XPC: variants seen among roughly 807,000 people sequenced by gnomAD.
XPC encodes DNA repair protein complementing XP-C cells.
Under a neutral mutation model 95.8 loss-of-function variants are expected in XPC, and 76 were observed. The observed-to-expected ratio is 0.79, with a 90% CI of 0.66 to 0.96. The LOEUF (loss-of-function observed/expected upper bound fraction) is 0.96, where lower values mean the gene tolerates loss of function less well. XPC is among the 40% of genes least tolerant of loss of function. XPC has a pLI of 0.00. For missense variants in XPC, 1,146 were observed against 1,179.8 expected, an observed-to-expected ratio of 0.97 and a Z score of 0.42; for synonymous variants, 442 against 442.1, an observed-to-expected ratio of 1.00 and a Z score of 0.00.
At chr3:14,173,787 T>C (rs1182269275) in intron 1 of XPC, among the ~76,000 whole-genome samples, 1 of 152,196 alleles carries the variant, frequency 6.6e-6, no homozygotes, top group African/African-American at 2.4e-5. Context: ...ACAAATAATA[T>C]GGCAGGGAAG....
At chr3:14,167,135 G>A in intron 5 of XPC, 34 bp downstream of exon 5, 1 of 1,534,120 alleles carries the variant, frequency 6.5e-7, no homozygotes, top group Non-Finnish European at 8.8e-7. Context: ...GCACCGACAA[G>A]GAAAAGTCCT....
At chr3:14,155,047 C>T (rs543683286) in intron 10 of XPC, among the ~76,000 whole-genome samples, 2 of 152,148 alleles carry the variant, frequency 1.3e-5, no homozygotes, top group African/African-American at 2.4e-5. Context: ...GCAGCCCAGG[C>T]CCCCTGCTGC....
At position 14,158,523 on chromosome 3, in the gene XPC, C is replaced by T. The variant is rs1480913592; in HGVS notation, c.1360G>A (p.Asp454Asn). ...GGTTCGGAATCCTCATCAGAGGGAT[C>T]AGAGGCTTCTCCACTGGAGAGCTCA... ...DFELSSGEASDPSDEDSEPGP... is the reference protein window; with the variant it reads ...DFELSSGEASNPSDEDSEPGP... Residue 454 changes from aspartate (D) to asparagine (N), a missense_variant, in exon 9 of 16, where the codon GAT (aspartate) becomes AAT (asparagine). Asp to Asn is a conservative substitution (Grantham distance 23). Coordinates refer to ENST00000285021, the MANE Select transcript of XPC (RefSeq NM_004628.5). This position sits in a 1 kb window ranked among gnomAD's most constrained non-coding sequence, Gnocchi z 5.2. The T allele has an allele frequency of 6.2e-7, 1 of 1,612,952 alleles. No individual in the cohort carries two copies. Among genetic ancestry groups the T allele is most frequent in the East Asian group, 2.2e-5 (1 of 44,830 alleles).
At chr3:14,174,374 C>T (rs544048595) in intron 1 of XPC, among the ~76,000 whole-genome samples, 1 of 150,426 alleles carries the variant, frequency 6.6e-6, no homozygotes, top group Non-Finnish European at 1.5e-5. Context: ...CTGGATCTTA[C>T]AATGGTAGTT....
Position 14,163,540 on chromosome 3 carries a change from A to G in XPC, c.900+1273T>C, listed in dbSNP as rs1032456680. ...TAATTTCTTTTATACTAAATATCCT[A>G]AATAGGTAAATCCACAGAGACACAA... On this transcript the variant is annotated intron_variant, in intron 7 of 15. Coordinates refer to ENST00000285021, the MANE Select transcript of XPC (RefSeq NM_004628.5). 3.6e-4 allele frequency among the ~76,000 whole-genome samples: 55 copies of G among 152,214 alleles called. 1 individual carries two copies. Among genetic ancestry groups the G allele is most frequent in the Non-Finnish European group, 7.1e-4 (48 of 68,036 alleles).
In XPC at chr3:14,156,335, C is replaced by T; in HGVS notation, c.2033G>A (p.Arg678Lys). The T allele has an allele frequency of 6.2e-7, 1 of 1,612,644 alleles. No homozygotes were observed. Among genetic ancestry groups the T allele is most frequent in the Non-Finnish European group, 8.5e-7 (1 of 1,179,190 alleles). Residue 678 changes from arginine to lysine, a missense_variant and splice_region_variant, in exon 10 of 16, where the codon AGG becomes AAG. Transcript: ENST00000285021. Reference sequence around the variant, plus strand: ...AGGCCAACCAGGCTGCCTCACGCACCTGGAGTAGACCGCTTCTCCACGACA... The same window carrying T: ...AGGCCAACCAGGCTGCCTCACGCACTTGGAGTAGACCGCTTCTCCACGACA... ...GYCRGEAVYS[R>K]DCVHTLHSRD...
chr3:14,159,581 A>T (rs1696082739), intron 8 of XPC, 160 bp downstream of exon 8: 1 of 733,672 alleles, frequency 1.4e-6, no homozygotes, highest in Non-Finnish European at 2.3e-6. Context: ...ATACCCACTC[A>T]CATGCCCAAG....
At chr3:14,164,024 A>T (rs1696269808) in intron 7 of XPC, among the ~76,000 whole-genome samples, 1 of 152,236 alleles carries the variant, frequency 6.6e-6, no homozygotes, top group South Asian at 2.1e-4. Flanking sequence ...ACTCCAGCCT[A>T]GGCGGCAGAG....
chr3:14,157,257 G>T (rs547510609), intron 9 of XPC, among the ~76,000 whole-genome samples: 1 of 151,976 alleles, frequency 6.6e-6, no homozygotes, highest in Non-Finnish European at 1.5e-5. Context: ...TGCACCCCTG[G>T]AGCAAACACT....
intron 7 of XPC, among the ~76,000 whole-genome samples, chr3:14,163,786 G>A (rs1392967410): frequency 1.3e-5 from 2 of 152,136 alleles, no homozygotes; most frequent in Non-Finnish European, 2.9e-5. Context: ...AAATACATAC[G>A]TACACACATA....
At chr3:14,154,190 AAAATGTAAAATGGGTGCAGCTGCGGTGG>A (rs1695809583) in intron 10 of XPC, among the ~76,000 whole-genome samples, 1 of 152,194 alleles carries the variant, frequency 6.6e-6, no homozygotes, top group South Asian at 2.1e-4. Flanking sequence ...ACTGTCGGTG[AAAATGTAAAATGGGTGCAGCTGCGGTGG>A]AAATGGTAAG....
At chr3:14,146,280 G>A in intron 15 of XPC, 121 bp from the exon 16 acceptor site, 2 of 924,470 alleles carry the variant, frequency 2.2e-6, no homozygotes, top group Admixed American at 2.1e-5. Context: ...GGGAGGACAA[G>A]GGCATGGGAC....
rs981658053 is a variant in XPC, at chr3:14,167,024, C to A, written c.621+145G>T. 5.0e-6 allele frequency: 3 copies of A among 598,328 alleles called. No homozygotes were observed. In the East Asian group the frequency reaches 1.0e-4, roughly 20 times the overall value. 37.1% of individuals were successfully genotyped at this position (598,328 alleles called of 1,614,324 possible). On this transcript the variant is annotated intron_variant, in intron 5 of 15. Transcript: ENST00000285021. ...AAGACAGACACTATTACTACCCCCA[C>A]CTCCCAGATGAGGATGCAAAGGCTC...
intron 14 of XPC, 115 bp downstream of exon 14, chr3:14,147,793 A>G: frequency 1.1e-6 from 1 of 921,774 alleles, no homozygotes; most frequent in Admixed American, 2.2e-5. Flanking sequence ...CCATGATGTC[A>G]GAGAGGGCTG....
At chr3:14,178,234 C>G (rs990264130) in intron 1 of XPC, 1 of 533,142 alleles carries the variant, frequency 1.9e-6, no homozygotes, top group African/African-American at 2.0e-5. Flanking sequence ...GGGAAAAAAG[C>G]TACGCAGGAG....
intron 1 of XPC, among the ~76,000 whole-genome samples, chr3:14,174,720 T>G (rs886981695): frequency 6.6e-6 from 1 of 152,182 alleles, no homozygotes; most frequent in East Asian, 1.9e-4. Context: ...AAACGATATA[T>G]GATGTAATGT....
At position 14,159,766 on chromosome 3, in the gene XPC, A is replaced by C; in HGVS notation, c.965T>G (p.Ile322Ser). ...CTTTGCTGTTGCTGACTTCAGAGGA[A>C]TTGGCTGTAGAGACAATACCAGCCG... ...LTRLVLSLQP[I>S]PLKSATAKGK... The change falls in exon 8 of 16, where the codon ATT becomes AGT. Residue 322 changes from isoleucine to serine, a missense_variant. Transcript: ENST00000285021. 1 of 1,563,860 alleles carries C rather than the reference A, an allele frequency of 6.4e-7. No homozygotes were observed. Among genetic ancestry groups the C allele is most frequent in the Non-Finnish European group, 8.7e-7 (1 of 1,153,780 alleles).
At position 14,168,247 on chromosome 3, in the gene XPC, C is replaced by G; in HGVS notation, c.536+10G>C. On this transcript the variant is annotated intron_variant, in intron 4 of 15. Coordinates refer to ENST00000285021, the MANE Select transcript of XPC (RefSeq NM_004628.5). ...GTGACAGGAGCCTAGAAGCAAGGGCCTAAGCTTACCTTCTTTCTCTTGTCT... is the reference window on the plus strand; with the variant it reads ...GTGACAGGAGCCTAGAAGCAAGGGCGTAAGCTTACCTTCTTTCTCTTGTCT... 1 of 1,608,300 alleles carries G rather than the reference C, an allele frequency of 6.2e-7. No homozygotes were observed. The highest frequency in any genetic ancestry group is 8.5e-7 in the Non-Finnish European group (1 of 1,177,902).
intron 7 of XPC, among the ~76,000 whole-genome samples, chr3:14,160,593 A>G (rs1696130816): frequency 6.6e-6 from 1 of 152,220 alleles, no homozygotes; most frequent in Admixed American, 6.5e-5. Flanking sequence ...AAAATTTCCA[A>G]AGTGTCAAGG....
Sources: allele counts gnomAD v4.1 joint callset (sites outside exome capture counted in the v4.1 genomes callset), GRCh38; gene constraint gnomAD v4.1.1; non-coding constraint Gnocchi (gnomAD v3.1); transcripts MANE v1.5; gene names NCBI Gene and HGNC (gene_info 2026-07-23, HGNC 2026-07-21).